WDR81: variants seen among roughly 807,000 people sequenced by gnomAD.
WDR81 encodes WD repeat-containing protein 81.
A neutral mutation model predicts 140.8 loss-of-function variants in WDR81; 92 were observed. That is an observed-to-expected ratio of 0.65 (90% CI 0.55 to 0.78). WDR81 has a LOEUF of 0.78. Among genes scored for constraint, WDR81 ranks in the 30% least tolerant of loss-of-function variants. The probability of loss-of-function intolerance (pLI) is 0.00; values close to 1 mark genes in which losing one functional copy is unlikely to be tolerated. For synonymous variants in WDR81, 1,183 were observed against 1,156.4 expected (o/e 1.02, Z -0.47); for missense variants, 2,502 against 2,636.4 (o/e 0.95, Z 1.12).
Position 1,734,201 on chromosome 17 carries a change from T to C in WDR81, c.5164T>C (p.Trp1722Arg). Residue 1722 changes from tryptophan to arginine, a missense_variant, in exon 7 of 10, where the codon TGG becomes CGG. Physicochemically the swap from Trp to Arg is moderately radical, Grantham distance 101. Coordinates refer to ENST00000409644, the MANE Select transcript of WDR81 (RefSeq NM_001163809.2). Reference protein sequence around the residue: ...VVSCDGAVHVWDPFTGKTLRT... With the variant: ...VVSCDGAVHVRDPFTGKTLRT... ...GAGCTGTGACGGGGCTGTGCACGTC[T>C]GGGACCCCTTCACAGGTGAGCGGGC... 10 of 1,588,630 alleles carry C rather than the reference T, an allele frequency of 6.3e-6. No individual in the cohort carries two copies. Among genetic ancestry groups the C allele is most frequent in the Non-Finnish European group, 7.7e-6 (9 of 1,173,326 alleles).
At position 1,732,468 on chromosome 17, in the gene WDR81, A is replaced by G. The variant is rs775002246; in HGVS notation, c.4301A>G (p.Gln1434Arg). The change falls in exon 5 of 10, where the codon CAG becomes CGG. Residue 1434 changes from glutamine to arginine, a missense_variant. Gln to Arg is a conservative substitution (Grantham distance 43, BLOSUM62 1). Coordinates refer to ENST00000409644, the MANE Select transcript of WDR81 (RefSeq NM_001163809.2). The part of the protein sequence containing the change: ...PVATFFQVFS[Q>R]LHELRQQDLK... ...GCCACCTTTTTCCAGGTCTTCTCTCAGCTGCATGAGCTTCGGCAACAGGTG... is the reference window on the plus strand; with the variant it reads ...GCCACCTTTTTCCAGGTCTTCTCTCGGCTGCATGAGCTTCGGCAACAGGTG... 7.4e-6 allele frequency: 12 copies of G among 1,612,600 alleles called. No homozygotes were observed. The South Asian group carries it at 1.3e-4, about 18-fold the overall frequency.
At position 1,727,655 on chromosome 17, in the gene WDR81, G is replaced by A. The variant is rs1915378450; in HGVS notation, c.2696G>A (p.Arg899His). 5.8e-6 allele frequency: 9 copies of A among 1,550,398 alleles called. No homozygotes were observed. The highest frequency in any genetic ancestry group is 7.8e-6 in the Non-Finnish European group (9 of 1,147,018). ...ARRVEDEAQGRELVFALWQQL... is the reference protein window; with the variant it reads ...ARRVEDEAQGHELVFALWQQL... ...CGTGTGGAGGACGAGGCCCAGGGGC[G>A]CGAGCTGGTGTTTGCTCTGTGGCAG... is the stretch of plus-strand genomic sequence containing the variant. Residue 899 changes from arginine to histidine, a missense_variant, in exon 1 of 10, where the codon CGC (arginine) becomes CAC (histidine). By Grantham distance (29) the Arg-to-His change is conservative. This residue lies in a region of WDR81 where 1,737 missense variants were observed against 1,843.0 expected (regional missense o/e 0.94). Transcript: ENST00000409644.
Position 1,733,611 on chromosome 17 carries a change from G to C in WDR81, c.4574G>C (p.Ser1525Thr), listed in dbSNP as rs1904564085. ...TACTTGGAGAGCATCAGCCCCAGCAGTCGCAACCCTGCCAGCGTGGAGCCC... is the reference window on the plus strand; with the variant it reads ...TACTTGGAGAGCATCAGCCCCAGCACTCGCAACCCTGCCAGCGTGGAGCCC... ...ALYLESISPS[S>T]RNPASVEPTM... The change falls in exon 7 of 10, where the codon AGT (serine) becomes ACT (threonine). Residue 1525 changes from serine to threonine, a missense_variant. By Grantham distance (58) the Ser-to-Thr change is moderately conservative. Transcript: ENST00000409644. 1.3e-6 allele frequency: 2 copies of C among 1,586,832 alleles called. No individual in the cohort carries two copies. Among genetic ancestry groups the C allele is most frequent in the Admixed American group, 1.8e-5 (1 of 56,884 alleles).
chr17:1,733,887 G>A lies in WDR81; in HGVS notation c.4850G>A (p.Trp1617Ter). ...PRSVHGLSGNWLAYWQYEIGV... is the reference protein window; with the variant it reads ...PRSVHGLSGN ...AGCGTGCACGGGCTGAGCGGAAACT[G>A]GCTGGCGTACTGGCAGTACGAGATC... Residue 1617 changes from tryptophan to a stop codon, truncating the protein, a stop_gained, in exon 7 of 10, where the codon TGG (tryptophan) becomes TAG (stop). Transcript: ENST00000409644. LOFTEE classifies it high-confidence loss of function. The A allele has an allele frequency of 1.2e-6, 2 of 1,612,758 alleles. No homozygotes were observed. The highest frequency in any genetic ancestry group is 1.7e-6 in the Non-Finnish European group (2 of 1,179,942).
In WDR81 at chr17:1,725,391, C is replaced by G; in HGVS notation, c.432C>G (p.Ala144=). Residue 144 remains alanine, a synonymous_variant, in exon 1 of 10, where the codon GCC becomes GCG. Coordinates refer to ENST00000409644, the MANE Select transcript of WDR81 (RefSeq NM_001163809.2). ...CTCGCTTCATGCAGGAGGTTGCCGCCCAGAATTATCGCAACCTGTGGCGCC... is the reference window on the plus strand; with the variant it reads ...CTCGCTTCATGCAGGAGGTTGCCGCGCAGAATTATCGCAACCTGTGGCGCC... ...TLTRFMQEVA[A]QNYRNLWRHA... is the part of the protein sequence containing the mutation. 6.5e-7 allele frequency: 1 copy of G among 1,549,592 alleles called. No individual in the cohort carries two copies. The highest frequency in any genetic ancestry group is 8.7e-7 in the Non-Finnish European group (1 of 1,146,984).
In WDR81 at chr17:1,730,875, T is replaced by G. The variant is rs912255038; in HGVS notation, c.3896T>G (p.Leu1299Arg). Residue 1299 changes from leucine (L) to arginine (R), a missense_variant, in exon 3 of 10, where the codon CTC becomes CGC. By Grantham distance (102) the Leu-to-Arg change is moderately radical (BLOSUM62 -2). Coordinates refer to ENST00000409644, the MANE Select transcript of WDR81 (RefSeq NM_001163809.2). Reference protein sequence around the residue: ...DIVSGPVLSCLLHIARLYGEP... With the variant: ...DIVSGPVLSCRLHIARLYGEP... ...GTGTCAGGGCCTGTGCTCAGCTGCC[T>G]CCTCCACATCGCCCGCCTGTATGGG... The G allele has an allele frequency of 4.3e-6, 7 of 1,612,978 alleles. No homozygotes were observed. Among genetic ancestry groups the G allele is most frequent in the Non-Finnish European group, 5.9e-6 (7 of 1,179,978 alleles).
upstream of WDR81, among the ~76,000 whole-genome samples, chr17:1,720,723 CCA>C (rs1392073807): frequency 2.0e-5 from 3 of 151,286 alleles, no homozygotes; most frequent in Non-Finnish European, 2.9e-5. Context: ...CGAGATCGTG[CCA>C]CAGCACTCCA....
In WDR81 at chr17:1,732,427, C is replaced by A; in HGVS notation, c.4260C>A (p.His1420Gln). 2 of 1,613,604 alleles carry A rather than the reference C, an allele frequency of 1.2e-6. No individual in the cohort carries two copies. The highest frequency in any genetic ancestry group is 1.7e-6 in the Non-Finnish European group (2 of 1,180,034). Residue 1420 changes from histidine (H) to glutamine (Q), a missense_variant, in exon 5 of 10, where the codon CAC becomes CAA. Transcript: ENST00000409644. ...TTGGACAGGAGATGGTCCAGCAGCA[C>A]CTGAGCGAGCCCGTGGCCACCTTTT... ...LRIGQEMVQQ[H>Q]LSEPVATFFQ...
intron 1 of WDR81, among the ~76,000 whole-genome samples, chr17:1,730,106 C>T (rs1299444740): frequency 2.0e-5 from 3 of 152,226 alleles, no homozygotes; most frequent in African/African-American, 7.2e-5. Flanking sequence ...CCGGGCCAGG[C>T]CTTGTTAAGG....
At position 1,731,141 on chromosome 17, in the gene WDR81, C is replaced by T. The variant is rs756487874; in HGVS notation, c.4040C>T (p.Thr1347Met). Residue 1347 changes from threonine to methionine, a missense_variant, in exon 4 of 10, where the codon ACG becomes ATG. Thr to Met is a moderately conservative substitution (Grantham distance 81). Transcript: ENST00000409644. ...RKEAGLLAAV[T>M]LTQKIIVYLS... Reference sequence around the variant, plus strand: ...GAGGCGGGGCTGCTGGCCGCGGTGACGCTGACTCAGAAGATCATCGTGTAC... The same window carrying T: ...GAGGCGGGGCTGCTGGCCGCGGTGATGCTGACTCAGAAGATCATCGTGTAC... 1.2e-5 allele frequency: 20 copies of T among 1,613,232 alleles called. No homozygotes were observed. The highest frequency in any genetic ancestry group is 1.6e-4 in the Middle Eastern group (1 of 6,084).
At chr17:1,736,673 C>T (rs1472050398) in intron 9 of WDR81, among the ~76,000 whole-genome samples, 3 of 152,198 alleles carry the variant, frequency 2.0e-5, no homozygotes, top group African/African-American at 7.2e-5. Context: ...AGGAGCACGC[C>T]TGGGCATGGG....
upstream of WDR81, chr17:1,724,691 C>G: frequency 9.3e-7 from 1 of 1,071,310 alleles, no homozygotes; most frequent in Non-Finnish European, 1.1e-6. Flanking sequence ...GGGGCGATCA[C>G]GTGACCCGCG....
At chr17:1,723,077 G>C (rs1914961045), upstream of WDR81, among the ~76,000 whole-genome samples, 1 of 152,180 alleles carries the variant, frequency 6.6e-6, no homozygotes, top group Non-Finnish European at 1.5e-5. Context: ...CTCCTAAGAG[G>C]GAGACAAAAG....
At chr17:1,737,146 G>A (rs564070093) in intron 9 of WDR81, among the ~76,000 whole-genome samples, 9 of 152,350 alleles carry the variant, frequency 5.9e-5, no homozygotes, top group East Asian at 3.9e-4. Flanking sequence ...ATGCCTGTGC[G>A]TAGTTCTCAA....
In WDR81 at chr17:1,727,294, G is replaced by T; in HGVS notation, c.2335G>T (p.Ala779Ser). The change falls in exon 1 of 10, where the codon GCA becomes TCA. Residue 779 changes from alanine (A) to serine (S), a missense_variant. Around this residue, in one of 3 missense-constraint regions of WDR81, gnomAD observed 1,737 missense variants for 1,843.0 expected, o/e 0.94. Transcript: ENST00000409644. The stretch of plus-strand genomic sequence containing the variant: ...CATGCAGGCGCTGGGTGTCCTATTG[G>T]CAGAGATGGTGTTTGCCACCAGGGT... ...RDMQALGVLL[A>S]EMVFATRVRT... 6.5e-7 allele frequency: 1 copy of T among 1,550,062 alleles called. No individual in the cohort carries two copies. Among genetic ancestry groups the T allele is most frequent in the Non-Finnish European group, 8.7e-7 (1 of 1,146,978 alleles).
In WDR81 at chr17:1,731,188, G is replaced by T. The variant is rs1325003486; in HGVS notation, c.4087G>T (p.Asp1363Tyr). The change falls in exon 4 of 10, where the codon GAC (aspartate) becomes TAC (tyrosine). Residue 1363 changes from aspartate to tyrosine, a missense_variant. Physicochemically the swap from Asp to Tyr is radical, Grantham distance 160. Around this residue, in one of 3 missense-constraint regions of WDR81, gnomAD observed 1,737 missense variants for 1,843.0 expected, o/e 0.94. Transcript: ENST00000409644. Reference sequence around the variant, plus strand: ...GTACCTCTCAGACACCACACTCATGGACATCCTGCCCCGGATCAGCCATGA... The same window carrying T: ...GTACCTCTCAGACACCACACTCATGTACATCCTGCCCCGGATCAGCCATGA... Reference protein sequence around the residue: ...IVYLSDTTLMDILPRISHEVL... With the variant: ...IVYLSDTTLMYILPRISHEVL... 1 of 1,613,504 alleles carries T rather than the reference G, an allele frequency of 6.2e-7. No individual in the cohort carries two copies. Among genetic ancestry groups the T allele is most frequent in the South Asian group, 1.1e-5 (1 of 91,082 alleles).
chr17:1,730,776 C>T lies in WDR81; in HGVS notation c.3797C>T (p.Thr1266Ile), dbSNP rs1369052009. 1 of 1,611,380 alleles carries T rather than the reference C, an allele frequency of 6.2e-7. No individual in the cohort carries two copies. The highest frequency in any genetic ancestry group is 8.5e-7 in the Non-Finnish European group (1 of 1,179,502). The change falls in exon 3 of 10, where the codon ACA becomes ATA. Residue 1266 changes from threonine to isoleucine, a missense_variant. Thr to Ile is a moderately conservative substitution (Grantham distance 89). Around this residue, in one of 3 missense-constraint regions of WDR81, gnomAD observed 1,737 missense variants for 1,843.0 expected, o/e 0.94. Coordinates refer to ENST00000409644, the MANE Select transcript of WDR81 (RefSeq NM_001163809.2). ...GCAGGACCCACTCGGCAGCAGTTCACAGTGAGCAGTGGCGAGAGCCCACCG... is the reference window on the plus strand; with the variant it reads ...GCAGGACCCACTCGGCAGCAGTTCATAGTGAGCAGTGGCGAGAGCCCACCG... ...CYVGPTRQQF[T>I]VSSGESPPLS... is the part of the protein sequence containing the mutation.
chr17:1,722,688 T>C (rs1914935136), upstream of WDR81, among the ~76,000 whole-genome samples: 1 of 121,610 alleles, frequency 8.2e-6, no homozygotes, highest in East Asian at 2.8e-4. Context: ...TTTTCTTTTC[T>C]TTCTTTCTTT....
At chr17:1,724,121 T>A (rs1350575125), upstream of WDR81, among the ~76,000 whole-genome samples, 1 of 151,920 alleles carries the variant, frequency 6.6e-6, no homozygotes, top group Non-Finnish European at 1.5e-5. Context: ...TCCCAGCACC[T>A]TGGGAGGCCG....
Sources: gnomAD v4.1 joint callset for allele counts (sites outside exome capture counted in the v4.1 genomes callset) on GRCh38, gnomAD v4.1.1 for gene constraint, gnomAD v4.1.1 regional missense constraint, MANE v1.5 for transcripts, NCBI Gene and HGNC (gene_info 2026-07-23, HGNC 2026-07-21) for gene names.